The following NEO1 variants were observed in gnomAD, a reference collection of about 807,000 sequenced individuals.
NEO1 encodes neogenin 1, also known as neogenin.
In NEO1, 63 loss-of-function variants were observed where a neutral mutation model predicts 159.7. The observed-to-expected ratio is 0.39, with a 90% CI of 0.32 to 0.49. The LOEUF is 0.49. Ranked by LOEUF, NEO1 falls within the 20% of genes least tolerant of loss-of-function variation. NEO1 has a pLI of 0.85. For synonymous variants in NEO1, 633 were observed against 662.0 expected, an observed-to-expected ratio of 0.96 and a Z score of 0.67; for missense variants, 1,615 against 1,831.0, an observed-to-expected ratio of 0.88 and a Z score of 2.15.
chr15:73,236,532 G>C, intron 8 of NEO1, 26 bp downstream of exon 8: 2 of 1,604,520 alleles, frequency 1.2e-6, no homozygotes, highest in Non-Finnish European at 1.7e-6. Context: ...TCTGCAGCCA[G>C]TTGGCTGCCT....
intron 1 of NEO1, among the ~76,000 whole-genome samples, chr15:73,109,633 A>G (rs1053615505): frequency 3.9e-5 from 6 of 152,076 alleles, no homozygotes; most frequent in Admixed American, 1.3e-4. Context: ...GTATCAAGGT[A>G]CATTACCCTA....
chr15:73,279,345 G>GTTT (rs34303412), intron 22 of NEO1, among the ~76,000 whole-genome samples: 1 of 77,798 alleles, frequency 1.3e-5, no homozygotes, highest in Non-Finnish European at 3.6e-5. Flanking sequence ...TGTTGTTTTG[G>GTTT]TTTTGGTTTT....
rs77851524 is a variant in NEO1, at chr15:73,186,254, C to T, written c.1291+7827C>T. Among the ~76,000 whole-genome samples the T allele has an allele frequency of 4.6e-3, 702 of 151,480 alleles. 9 individuals are homozygous for T. The East Asian group carries it at 0.047, about 10-fold the overall frequency. On this transcript the variant is annotated intron_variant, in intron 7 of 28. Coordinates refer to ENST00000261908, the MANE Select transcript of NEO1 (RefSeq NM_002499.4). ...ATAATTAAGGGGCCATGGTAATCTT[C>T]ACTGTATTGTTCCAATTTTAGTATT...
intron 3 of NEO1, 94 bp downstream of exon 3, chr15:73,122,894 G>A (rs2071751725): frequency 6.8e-6 from 10 of 1,471,270 alleles, no homozygotes; most frequent in African/African-American, 1.4e-5. Flanking sequence ...TGTTGGCCGG[G>A]CGCAGTGGCT....
In NEO1 at chr15:73,289,232, C is replaced by A. The variant is rs1447908887; in HGVS notation, c.3736C>A (p.Pro1246Thr). The change falls in exon 25 of 29, where the codon CCC becomes ACC. Residue 1246 changes from proline (P) to threonine (T), a missense_variant. Transcript: ENST00000261908. ...GATGATGCCCTTTGACTCCCAGCCACCCCAGCGTAAGTAGAAGCATCTCTT... is the reference window on the plus strand; with the variant it reads ...GATGATGCCCTTTGACTCCCAGCCAACCCAGCGTAAGTAGAAGCATCTCTT... Reference protein sequence around the residue: ...KMMMPFDSQPPQPVISAHPIH... With the variant: ...KMMMPFDSQPTQPVISAHPIH... 2 of 1,613,776 alleles carry A rather than the reference C, an allele frequency of 1.2e-6. No individual in the cohort carries two copies. Among genetic ancestry groups the A allele is most frequent in the Non-Finnish European group, 1.7e-6 (2 of 1,179,844 alleles).
rs1014332088 is a variant in NEO1 at position 73,249,190 on chromosome 15, G to A, written c.1737G>A (p.Lys579=). ...ATTATAAATTGTACTACATGGAAAA[G>A]GGGACTGATAAAGAACAGGTATGAA... ...IQNYKLYYME[K]GTDKEQDVDV... The change falls in exon 10 of 29, where the codon AAG becomes AAA. Residue 579 remains lysine, a synonymous_variant. Coordinates refer to ENST00000261908, the MANE Select transcript of NEO1 (RefSeq NM_002499.4). 4 of 1,613,980 alleles carry A rather than the reference G, an allele frequency of 2.5e-6. No homozygotes were observed. Among genetic ancestry groups the A allele is most frequent in the South Asian group, 1.1e-5 (1 of 91,066 alleles).
chr15:73,270,267 A>G, intron 17 of NEO1, 34 bp downstream of exon 17: 1 of 1,613,728 alleles, frequency 6.2e-7, no homozygotes, highest in Non-Finnish European at 8.5e-7. Context: ...GAAAAAAGCT[A>G]ATCATTGATA....
At chr15:73,200,523 TAGAG>T (rs56964495) in intron 7 of NEO1, among the ~76,000 whole-genome samples, 5 of 140,416 alleles carry the variant, frequency 3.6e-5, no homozygotes, top group African/African-American at 7.9e-5. Context: ...AGGGAGTCTC[TAGAG>T]AGAGAGAGAG....
intron 7 of NEO1, among the ~76,000 whole-genome samples, chr15:73,197,030 T>G (rs1334448272): frequency 6.6e-6 from 1 of 152,166 alleles, no homozygotes; most frequent in Non-Finnish European, 1.5e-5. Flanking sequence ...CTTACCTAAT[T>G]TTTGTCTACC....
chr15:73,187,351 C>T (rs1468907151), intron 7 of NEO1, among the ~76,000 whole-genome samples: 1 of 152,106 alleles, frequency 6.6e-6, no homozygotes, highest in Non-Finnish European at 1.5e-5. Context: ...ACTTTCTTCA[C>T]TTATCCTTAT....
chr15:73,216,946 T>A (rs2037925826), intron 7 of NEO1, among the ~76,000 whole-genome samples: 1 of 151,366 alleles, frequency 6.6e-6, no homozygotes, highest in South Asian at 2.1e-4. Context: ...AGATCCCATT[T>A]GTCAATTTTG....
chr15:73,254,863 T>C (rs2040261260), intron 13 of NEO1, 34 bp downstream of exon 13: 9 of 1,589,520 alleles, frequency 5.7e-6, no homozygotes, highest in Non-Finnish European at 7.7e-6. Context: ...AAAGGTACAC[T>C]GTGTCTTTCT....
In NEO1 at chr15:73,054,353, C is replaced by T. The variant is rs950405251; in HGVS notation, c.130+1548C>T. 2.6e-4 allele frequency among the ~76,000 whole-genome samples: 40 copies of T among 152,182 alleles called. 1 individual carries two copies. Among genetic ancestry groups the T allele is most frequent in the Admixed American group, 2.5e-3 (38 of 15,286 alleles). On this transcript the variant is annotated intron_variant, in intron 1 of 28. Transcript: ENST00000261908. ...GGATAATAAAAATAATGCAAGCAGT[C>T]TCAGGAAGTGGTCTTAACATCTGTT...
intron 7 of NEO1, among the ~76,000 whole-genome samples, chr15:73,200,041 G>A (rs2036768632): frequency 6.6e-6 from 1 of 152,142 alleles, no homozygotes; most frequent in African/African-American, 2.4e-5. Context: ...TCAGATCATA[G>A]CACTGGCTTT....
intron 1 of NEO1, among the ~76,000 whole-genome samples, chr15:73,057,490 G>A (rs1373040760): frequency 6.6e-6 from 1 of 152,174 alleles, no homozygotes; most frequent in East Asian, 1.9e-4. Flanking sequence ...AACAGTCAGA[G>A]GAAATGACTG....
chr15:73,097,776 CTTTTTTTT>C (rs34165169), intron 1 of NEO1, among the ~76,000 whole-genome samples: 4 of 75,542 alleles, frequency 5.3e-5, no homozygotes, highest in South Asian at 4.7e-4. Flanking sequence ...TGGAACTAGC[CTTTTTTTT>C]TTTTTTTTTT....
intron 1 of NEO1, among the ~76,000 whole-genome samples, chr15:73,062,673 T>A (rs1354141174): frequency 6.6e-6 from 1 of 152,324 alleles, no homozygotes; most frequent in Middle Eastern, 3.4e-3. Context: ...TGGTTTGAAG[T>A]GATTAAGTTC....
chr15:73,298,716 A>G, intron 27 of NEO1, 105 bp downstream of exon 27: 2 of 1,448,590 alleles, frequency 1.4e-6, no homozygotes, highest in Non-Finnish European at 1.9e-6. Context: ...CAAAGCAAAT[A>G]TCCTCCAAGC....
At chr15:73,147,874 C>T (rs181841591) in intron 5 of NEO1, among the ~76,000 whole-genome samples, 38 of 150,632 alleles carry the variant, frequency 2.5e-4, no homozygotes, top group Admixed American at 1.4e-3. Context: ...AGTGCAGTTG[C>T]GCGATCTCGG....
Sources: gnomAD v4.1 joint callset for allele counts (sites outside exome capture counted in the v4.1 genomes callset) on GRCh38, gnomAD v4.1.1 for gene constraint, MANE v1.5 for transcripts, NCBI Gene and HGNC (gene_info 2026-07-23, HGNC 2026-07-21) for gene names.